The following PSMD14 variants were observed in gnomAD, a reference collection of about 807,000 sequenced individuals.
The protein encoded by PSMD14 is proteasome 26S subunit, non-ATPase 14, also known as ubiquitin C-terminal hydrolase PSMD14.
A neutral mutation model predicts 41.2 loss-of-function variants in PSMD14; 7 were observed. The observed-to-expected ratio is 0.17, with a 90% CI of 0.10 to 0.32. The LOEUF is 0.32. PSMD14 is among the 10% of genes least tolerant of loss of function. The pLI, the probability that PSMD14 is intolerant of heterozygous loss-of-function variation, is 1.00. For missense variants in PSMD14, 139 were observed against 375.6 expected (o/e 0.37, Z 5.21); for synonymous variants, 114 against 122.3 (o/e 0.93, Z 0.45).
At chr2:161,382,467 AC>A (rs1683581761) in intron 7 of PSMD14, 1 of 151,826 alleles carries the variant, frequency 6.6e-6, no homozygotes, top group African/African-American at 2.4e-5. Flanking sequence ...GTGATAATAA[AC>A]AAAAAAGGAA....
chr2:161,320,844 G>T (rs1682567955), intron 3 of PSMD14, among the ~76,000 whole-genome samples: 1 of 151,928 alleles, frequency 6.6e-6, no homozygotes, highest in Non-Finnish European at 1.5e-5. Flanking sequence ...TTCTGCCTCA[G>T]CCTCCCAAGT....
At position 161,354,469 on chromosome 2, in the gene PSMD14, G is replaced by GT. The variant is rs924210574; in HGVS notation, c.49-13002dup. On this transcript the variant is annotated intron_variant, in intron 3 of 11. Coordinates refer to ENST00000409682, the MANE Select transcript of PSMD14 (RefSeq NM_005805.6). ...CATGTTGCCCAGGCTGCTGAATGAT[G>GT]TTTTTTTATAACAAAGGTAGTCGAG... Among the ~76,000 whole-genome samples the GT allele has an allele frequency of 8.8e-5, 13 of 147,944 alleles. No individual in the cohort carries two copies. In the East Asian group the frequency reaches 1.2e-3, roughly 14 times the overall value.
At chr2:161,337,804 G>C (rs370960899) in intron 3 of PSMD14, among the ~76,000 whole-genome samples, 11 of 152,214 alleles carry the variant, frequency 7.2e-5, no homozygotes, top group East Asian at 5.8e-4. Context: ...AGGAGATAAG[G>C]GTTCTGGTTC....
At chr2:161,405,258 A>T (rs1245012911) in intron 10 of PSMD14, among the ~76,000 whole-genome samples, 1 of 151,982 alleles carries the variant, frequency 6.6e-6, no homozygotes, top group Non-Finnish European at 1.5e-5. Context: ...TTCCTCCCTA[A>T]TGCATTCTTT....
chr2:161,389,887 T>TTGC (rs1402569472), intron 8 of PSMD14, among the ~76,000 whole-genome samples: 3 of 74,726 alleles, frequency 4.0e-5, no homozygotes, highest in African/African-American at 1.7e-4. Flanking sequence ...TTCTTTTTTG[T>TTGC]TGTTTTTTTT....
At chr2:161,353,600 C>G (rs1431358422) in intron 3 of PSMD14, among the ~76,000 whole-genome samples, 1 of 152,194 alleles carries the variant, frequency 6.6e-6, no homozygotes, top group Non-Finnish European at 1.5e-5. Context: ...TATGTATTCC[C>G]TAATTCTTAG....
intron 3 of PSMD14, among the ~76,000 whole-genome samples, chr2:161,362,103 G>A (rs62194493): frequency 0.066 from 10,052 of 152,106 alleles, 455 homozygotes; most frequent in East Asian, 0.15. Flanking sequence ...GTCTCACTCT[G>A]TTGCCCAGGC....
intron 3 of PSMD14, among the ~76,000 whole-genome samples, chr2:161,326,329 TCC>T (rs1682699467): frequency 6.6e-6 from 1 of 152,098 alleles, no homozygotes; most frequent in African/African-American, 2.4e-5. Context: ...CCATGCCCAG[TCC>T]AAACTTCATA....
intron 3 of PSMD14, among the ~76,000 whole-genome samples, chr2:161,344,554 G>A (rs4664419): frequency 0.62 from 93,681 of 152,028 alleles, 29,990 homozygotes; most frequent in Non-Finnish European, 0.7. Flanking sequence ...GTGTCATATT[G>A]TTTTTCACAG....
chr2:161,400,034 G>A (rs1683855098), intron 10 of PSMD14, among the ~76,000 whole-genome samples: 2 of 152,188 alleles, frequency 1.3e-5, no homozygotes, highest in South Asian at 4.1e-4. Context: ...GTAACAGTGT[G>A]TGTGAGGCAG....
chr2:161,389,889 G>GTTGTTTTTTTTTTTTGTTTTTTTTTTT, intron 8 of PSMD14, among the ~76,000 whole-genome samples: 1 of 20,042 alleles, frequency 5.0e-5, no homozygotes, highest in Non-Finnish European at 1.0e-4. Flanking sequence ...CTTTTTTGTT[G>GTTGTTTTTTTTTTTTGTTTTTTTTTTT]TTTTTTTTTT....
At chr2:161,389,695 C>T (rs1012181131) in intron 8 of PSMD14, among the ~76,000 whole-genome samples, 2 of 151,500 alleles carry the variant, frequency 1.3e-5, no homozygotes, top group African/African-American at 2.4e-5. Context: ...TAACATAATG[C>T]TTTGTTTCAT....
chr2:161,366,857 AGGTAGT>A lies in PSMD14; in HGVS notation c.49-617_49-612del, dbSNP rs1466267149. ...TCTTCCTTAGTAATACTTGTTTTAA[AGGTAGT>A]GGTTAGGATTTTGGAAGTATTTTCA... On this transcript the variant is annotated intron_variant, in intron 3 of 11. Coordinates refer to ENST00000409682, the MANE Select transcript of PSMD14 (RefSeq NM_005805.6). Among the ~76,000 whole-genome samples the A allele has an allele frequency of 2.0e-5, 3 of 152,176 alleles. No homozygotes were observed. The East Asian group carries it at 5.8e-4, about 29-fold the overall frequency.
intron 3 of PSMD14, among the ~76,000 whole-genome samples, chr2:161,331,448 C>T (rs1007275157): frequency 2.6e-5 from 4 of 151,880 alleles, no homozygotes; most frequent in African/African-American, 4.8e-5. Context: ...TTAGTAGAGA[C>T]GGGGTTTCAC....
intron 3 of PSMD14, among the ~76,000 whole-genome samples, chr2:161,352,736 G>A (rs1420837178): frequency 1.3e-5 from 2 of 151,220 alleles, no homozygotes; most frequent in African/African-American, 2.4e-5. Flanking sequence ...TTGTTCCTTT[G>A]TCTTTCTCTT....
At chr2:161,310,837 G>C (rs1237212135) in intron 1 of PSMD14, among the ~76,000 whole-genome samples, 4 of 152,128 alleles carry the variant, frequency 2.6e-5, no homozygotes, top group African/African-American at 9.7e-5. Context: ...CTACACTGCT[G>C]TCCTTTCCCT....
chr2:161,320,922 C>G (rs1323117199), intron 3 of PSMD14, among the ~76,000 whole-genome samples: 1 of 152,016 alleles, frequency 6.6e-6, no homozygotes, highest in Non-Finnish European at 1.5e-5. Flanking sequence ...GACTATGTTT[C>G]ACCATGTTGG....
intron 10 of PSMD14, among the ~76,000 whole-genome samples, chr2:161,399,698 TTAAAA>T (rs764096639): frequency 7.2e-5 from 11 of 152,170 alleles, no homozygotes; most frequent in Non-Finnish European, 1.3e-4. Context: ...TCAAAAAAAG[TTAAAA>T]TAAATAGAAA....
At chr2:161,370,235 C>G in intron 6 of PSMD14, 58 bp downstream of exon 6, 1 of 1,264,814 alleles carries the variant, frequency 7.9e-7, no homozygotes, top group South Asian at 1.4e-5. Flanking sequence ...AGAAACATAC[C>G]TCAAAGTTAT....
Sources: gnomAD v4.1 joint callset for allele counts (sites outside exome capture counted in the v4.1 genomes callset) on GRCh38, gnomAD v4.1.1 for gene constraint, MANE v1.5 for transcripts, NCBI Gene and HGNC (gene_info 2026-07-23, HGNC 2026-07-21) for gene names.